The following SLC16A7 variants were observed in gnomAD, a reference collection of about 807,000 sequenced individuals.
SLC16A7 encodes monocarboxylate transporter 2.
In SLC16A7, 33 loss-of-function variants were observed where a neutral mutation model predicts 34.9. The observed-to-expected ratio is 0.94, with a 90% CI of 0.72 to 1.26. The LOEUF (loss-of-function observed/expected upper bound fraction) is 1.26. Among genes scored for constraint, SLC16A7 ranks in the 50% most tolerant of loss-of-function variants. SLC16A7 has a pLI of 0.00. For synonymous variants in SLC16A7, 201 were observed against 206.6 expected (o/e 0.97, Z 0.23); for missense variants, 573 against 578.1 (o/e 0.99, Z 0.09).
At chr12:59,675,424 CAA>C (rs1175980384) in intron 2 of SLC16A7, among the ~76,000 whole-genome samples, 1 of 152,076 alleles carries the variant, frequency 6.6e-6, no homozygotes, top group Non-Finnish European at 1.5e-5. Context: ...GAGCACACAG[CAA>C]AAGAGTCCTC....
Position 59,781,411 on chromosome 12 carries a change from G to T in SLC16A7, c.*1732G>T, listed in dbSNP as rs1293588588. 6.6e-6 allele frequency: 1 copy of T among 152,442 alleles called. No homozygotes were observed. Among genetic ancestry groups the T allele is most frequent in the Non-Finnish European group, 1.5e-5 (1 of 67,994 alleles). 9.4% of individuals were successfully genotyped at this position (152,442 alleles called of 1,614,324 possible). A position where few individuals can be genotyped will look rare whatever the true frequency, so the allele number is the denominator to read the frequency against. On this transcript the variant is annotated 3_prime_UTR_variant, in exon 6 of 6. Transcript: ENST00000547379. ...ATTTTTTTCTGGTGAGATTGCACCT[G>T]GATACCAGGCTTTTGTAATAGTTAA...
intron 5 of SLC16A7, among the ~76,000 whole-genome samples, chr12:59,776,940 G>A (rs947954438): frequency 6.6e-6 from 1 of 151,940 alleles, no homozygotes; most frequent in Non-Finnish European, 1.5e-5. Flanking sequence ...CTTTTCATAC[G>A]GAATTAGTTT....
rs561381447 is a variant in SLC16A7, at chr12:59,617,901, A to G, written c.-130+21665A>G. Among the ~76,000 whole-genome samples, 6 of 151,932 alleles carry G rather than the reference A, an allele frequency of 3.9e-5. No homozygotes were observed. In the South Asian group the frequency reaches 1.2e-3, roughly 31 times the overall value. ...AAGCATTTGTTTTACTGACATCTTG[A>G]TTTTCCTTATTTCTGTGCATTGCCA... On this transcript the variant is annotated intron_variant, in intron 1 of 5. Transcript: ENST00000547379.
intron 2 of SLC16A7, among the ~76,000 whole-genome samples, chr12:59,668,204 T>G (rs371181820): frequency 6.6e-6 from 1 of 152,092 alleles, no homozygotes; most frequent in South Asian, 2.1e-4. Context: ...AGTGGAGCTA[T>G]GAGAAGAGGG....
At chr12:59,610,059 G>A (rs969642407) in intron 1 of SLC16A7, among the ~76,000 whole-genome samples, 41 of 152,126 alleles carry the variant, frequency 2.7e-4, no homozygotes, top group African/African-American at 9.4e-4. Flanking sequence ...AGGAAACAAA[G>A]GTTTATTTCC....
At chr12:59,667,854 C>T (rs1395581931) in intron 2 of SLC16A7, among the ~76,000 whole-genome samples, 4 of 152,190 alleles carry the variant, frequency 2.6e-5, no homozygotes, top group Non-Finnish European at 4.4e-5. Flanking sequence ...GGTCCGTGCC[C>T]CCTCCTGCTG....
intron 3 of SLC16A7, among the ~76,000 whole-genome samples, chr12:59,757,836 T>C (rs1021333507): frequency 3.3e-5 from 5 of 152,150 alleles, no homozygotes; most frequent in African/African-American, 1.2e-4. Context: ...ATACTTTCTC[T>C]TCCTTATGAT....
intron 2 of SLC16A7, among the ~76,000 whole-genome samples, chr12:59,655,699 A>G (rs1868499957): frequency 6.6e-6 from 1 of 151,872 alleles, no homozygotes; most frequent in South Asian, 2.1e-4. Context: ...AAAAATGATC[A>G]TATTGGGGTT....
chr12:59,684,774 A>G (rs1203443406), intron 2 of SLC16A7, among the ~76,000 whole-genome samples: 1 of 152,144 alleles, frequency 6.6e-6, no homozygotes, highest in East Asian at 1.9e-4. Context: ...ATAATTTAAA[A>G]TTTGAGAAAT....
intron 1 of SLC16A7, among the ~76,000 whole-genome samples, chr12:59,640,303 T>C (rs901160635): frequency 2.0e-5 from 3 of 152,284 alleles, no homozygotes; most frequent in Admixed American, 2.0e-4. Context: ...TTTACTCTAA[T>C]GTTTTTAATA....
intron 3 of SLC16A7, among the ~76,000 whole-genome samples, chr12:59,754,071 G>A (rs1373603048): frequency 6.6e-5 from 10 of 152,098 alleles, no homozygotes; most frequent in South Asian, 6.2e-4. Flanking sequence ...GAACAAAGAC[G>A]CAACATACCA....
At chr12:59,691,187 C>T (rs920470582) in intron 2 of SLC16A7, among the ~76,000 whole-genome samples, 4 of 151,856 alleles carry the variant, frequency 2.6e-5, no homozygotes, top group Non-Finnish European at 5.9e-5. Context: ...TACATTATCT[C>T]ACTAAAGGAA....
chr12:59,643,384 A>G (rs1369288917), intron 1 of SLC16A7, among the ~76,000 whole-genome samples: 1 of 152,202 alleles, frequency 6.6e-6, no homozygotes, highest in African/African-American at 2.4e-5. Flanking sequence ...ATATATGTCT[A>G]TAAATCTAGT....
intron 1 of SLC16A7, among the ~76,000 whole-genome samples, chr12:59,647,317 C>T (rs980742827): frequency 6.6e-6 from 1 of 152,028 alleles, no homozygotes; most frequent in Non-Finnish European, 1.5e-5. Flanking sequence ...CTGTGCTGTT[C>T]CTGTGATAGT....
intron 1 of SLC16A7, among the ~76,000 whole-genome samples, chr12:59,638,766 A>C (rs1308894134): frequency 6.6e-6 from 1 of 152,136 alleles, no homozygotes; most frequent in Non-Finnish European, 1.5e-5. Flanking sequence ...AGAAGAGTTT[A>C]TGTATTTTTA....
At chr12:59,720,041 A>C (rs1322116192) in intron 3 of SLC16A7, 1 of 688,212 alleles carries the variant, frequency 1.5e-6, no homozygotes, top group Admixed American at 2.1e-5. Flanking sequence ...TGGAATAGGA[A>C]TGCCTCATGA....
intron 1 of SLC16A7, among the ~76,000 whole-genome samples, chr12:59,628,240 T>C (rs1397025873): frequency 6.6e-6 from 1 of 151,876 alleles, no homozygotes; most frequent in East Asian, 1.9e-4. Flanking sequence ...TGACCTCTAT[T>C]TGTTGTTTTC....
At chr12:59,684,915 A>G (rs1487913624) in intron 2 of SLC16A7, among the ~76,000 whole-genome samples, 1 of 152,178 alleles carries the variant, frequency 6.6e-6, no homozygotes, top group Non-Finnish European at 1.5e-5. Flanking sequence ...CACAATGAGT[A>G]AAGACAAAAT....
At chr12:59,599,632 A>G (rs766142393) in intron 1 of SLC16A7, among the ~76,000 whole-genome samples, 3 of 152,256 alleles carry the variant, frequency 2.0e-5, no homozygotes, top group African/African-American at 4.8e-5. Context: ...ACCAAAGACG[A>G]TAACAAATAT....
Sources: allele counts gnomAD v4.1 joint callset (sites outside exome capture counted in the v4.1 genomes callset), GRCh38; gene constraint gnomAD v4.1.1; transcripts MANE v1.5; gene names NCBI Gene and HGNC (gene_info 2026-07-23, HGNC 2026-07-21).